LIN28B: variants seen among roughly 807,000 people sequenced by gnomAD.
LIN28B encodes the protein lin-28 RNA binding posttranscriptional regulator B.
A neutral mutation model predicts 21.9 loss-of-function variants in LIN28B; 5 were observed. The ratio of observed to expected loss-of-function variants is 0.23; its 90% confidence interval spans 0.12 to 0.48. The LOEUF (loss-of-function observed/expected upper bound fraction) is 0.48, where lower values mean the gene tolerates loss of function less well. Among genes scored for constraint, LIN28B ranks in the 20% least tolerant of loss-of-function variants. The pLI, the probability that LIN28B is intolerant of heterozygous loss-of-function variation, is 0.98. For synonymous variants in LIN28B, 109 were observed against 111.3 expected, an observed-to-expected ratio of 0.98 and a Z score of 0.13; for missense variants, 245 against 310.5, an observed-to-expected ratio of 0.79 and a Z score of 1.58.
At chr6:105,040,353 T>G (rs1771607544) in intron 3 of LIN28B, among the ~76,000 whole-genome samples, 1 of 152,102 alleles carries the variant, frequency 6.6e-6, no homozygotes, top group African/African-American at 2.4e-5. Context: ...GTCTCATGAA[T>G]TAGTGAGTTT....
chr6:104,989,576 G>GTTTTTTTTTTTTTTTTTTTTTTTT (rs34394074), intron 2 of LIN28B, among the ~76,000 whole-genome samples: 1 of 60,570 alleles, frequency 1.7e-5, no homozygotes, highest in Non-Finnish European at 3.0e-5. Flanking sequence ...TTTTACTTGG[G>GTTTTTTTTTTTTTTTTTTTTTTTT]TTTTTTTTTT....
chr6:105,013,723 C>CAAA (rs11330582), intron 2 of LIN28B, among the ~76,000 whole-genome samples: 1 of 137,542 alleles, frequency 7.3e-6, no homozygotes. Flanking sequence ...GACCCTGTCT[C>CAAA]AAAAAAAAAA....
chr6:104,959,142 ACTCCT>A (rs1201259719), intron 2 of LIN28B, among the ~76,000 whole-genome samples: 1 of 152,066 alleles, frequency 6.6e-6, no homozygotes, highest in African/African-American at 2.4e-5. Flanking sequence ...TTCTGCCTTT[ACTCCT>A]CTCTACTGCT....
intron 3 of LIN28B, among the ~76,000 whole-genome samples, chr6:105,065,695 T>C (rs221630): frequency 0.95 from 144,504 of 152,312 alleles, 68,570 homozygotes; most frequent in East Asian, 0.99. Context: ...TGGCTTGGGA[T>C]AGTCTTCTTT....
At chr6:105,077,086 C>G (rs1023791014) in intron 3 of LIN28B, among the ~76,000 whole-genome samples, 1 of 151,692 alleles carries the variant, frequency 6.6e-6, no homozygotes, top group Non-Finnish European at 1.5e-5. Context: ...AAAAATTAGC[C>G]GGGCATGGTG....
At chr6:104,950,176 A>G (rs1778203965) in intron 2 of LIN28B, among the ~76,000 whole-genome samples, 1 of 152,164 alleles carries the variant, frequency 6.6e-6, no homozygotes, top group Non-Finnish European at 1.5e-5. Flanking sequence ...TTAAAATTTA[A>G]ACTGCATTGT....
intron 2 of LIN28B, among the ~76,000 whole-genome samples, chr6:105,002,630 A>G (rs1770741937): frequency 6.6e-6 from 1 of 152,198 alleles, no homozygotes; most frequent in Non-Finnish European, 1.5e-5. Context: ...GAACATATCC[A>G]TGATTGTGTA....
chr6:105,070,146 G>C (rs534483635), intron 3 of LIN28B, among the ~76,000 whole-genome samples: 1 of 152,238 alleles, frequency 6.6e-6, no homozygotes, highest in African/African-American at 2.4e-5. Flanking sequence ...TTCTCAAGTA[G>C]CTGCACATCA....
In LIN28B at chr6:104,958,150, C is replaced by T; in HGVS notation, c.62C>T (p.Ala21Val). ...GAGCCCGGGAAGCTGCCGGAGCCGGCAGAGGAGGAATCCCAGGTTTTGCGC... is the reference window on the plus strand; with the variant it reads ...GAGCCCGGGAAGCTGCCGGAGCCGGTAGAGGAGGAATCCCAGGTTTTGCGC... ...GEEPGKLPEPAEEESQVLRGT... is the reference protein window; with the variant it reads ...GEEPGKLPEPVEEESQVLRGT... The change falls in exon 2 of 4, where the codon GCA (alanine) becomes GTA (valine). Residue 21 changes from alanine to valine, a missense_variant. By Grantham distance (64) the Ala-to-Val change is moderately conservative (BLOSUM62 0). Transcript: ENST00000345080. 3 of 1,606,518 alleles carry T rather than the reference C, an allele frequency of 1.9e-6. No individual in the cohort carries two copies. The highest frequency in any genetic ancestry group is 2.6e-6 in the Non-Finnish European group (3 of 1,174,464).
chr6:104,979,589 G>GT (rs1475957807), intron 2 of LIN28B, among the ~76,000 whole-genome samples: 1 of 145,656 alleles, frequency 6.9e-6, no homozygotes. Flanking sequence ...TCTTTTTCTT[G>GT]TTAAAAAAAA....
At chr6:104,963,943 A>G (rs1195251045) in intron 2 of LIN28B, among the ~76,000 whole-genome samples, 1 of 152,180 alleles carries the variant, frequency 6.6e-6, no homozygotes, top group African/African-American at 2.4e-5. Flanking sequence ...TCTTTAACTT[A>G]TCTTAGAGTT....
At chr6:104,941,884 T>C (rs1239303855) in intron 2 of LIN28B, among the ~76,000 whole-genome samples, 1 of 152,214 alleles carries the variant, frequency 6.6e-6, no homozygotes, top group Non-Finnish European at 1.5e-5. Context: ...TGGTAAATAT[T>C]GAGTGTTTTC....
chr6:104,965,117 G>A (rs961981680), intron 2 of LIN28B, among the ~76,000 whole-genome samples: 5 of 152,164 alleles, frequency 3.3e-5, no homozygotes, highest in African/African-American at 1.2e-4. Flanking sequence ...GGTCTTTTAT[G>A]TGCTTTCTTT....
At chr6:105,058,794 T>A (rs1772072737) in intron 3 of LIN28B, among the ~76,000 whole-genome samples, 1 of 152,238 alleles carries the variant, frequency 6.6e-6, no homozygotes. Context: ...GGTTGTTGCT[T>A]TTTAAAATTT....
chr6:105,020,889 A>T (rs1771126512), intron 2 of LIN28B, among the ~76,000 whole-genome samples: 1 of 151,328 alleles, frequency 6.6e-6, no homozygotes, highest in South Asian at 2.1e-4. Flanking sequence ...AGTAGCTGGG[A>T]CTACAGACGC....
intron 3 of LIN28B, among the ~76,000 whole-genome samples, chr6:105,055,584 A>G (rs531080202): frequency 6.6e-6 from 1 of 152,126 alleles, no homozygotes; most frequent in Admixed American, 6.5e-5. Flanking sequence ...TATTATATTC[A>G]TATTTCTTTA....
intron 3 of LIN28B, among the ~76,000 whole-genome samples, chr6:105,064,816 AAGCCAAGTT>A (rs1448351397): frequency 6.6e-6 from 1 of 152,218 alleles, no homozygotes; most frequent in Non-Finnish European, 1.5e-5. Flanking sequence ...CTAAGAGAAT[AAGCCAAGTT>A]CTTCATGGAA....
At chr6:105,035,317 A>G (rs1771501446) in intron 3 of LIN28B, among the ~76,000 whole-genome samples, 1 of 152,148 alleles carries the variant, frequency 6.6e-6, no homozygotes, top group Admixed American at 6.5e-5. Context: ...ATACCAATAA[A>G]TAACTGTTTC....
chr6:104,982,573 T>C (rs1363478715), intron 2 of LIN28B, among the ~76,000 whole-genome samples: 1 of 152,118 alleles, frequency 6.6e-6, no homozygotes, highest in Non-Finnish European at 1.5e-5. Flanking sequence ...TCAATCTCCA[T>C]GATAGGAGGA....
Sources: allele counts gnomAD v4.1 joint callset (sites outside exome capture counted in the v4.1 genomes callset), GRCh38; gene constraint gnomAD v4.1.1; transcripts MANE v1.5; gene names NCBI Gene and HGNC (gene_info 2026-07-23, HGNC 2026-07-21).